CTNNBL1: variants seen among roughly 807,000 people sequenced by gnomAD.
The protein encoded by CTNNBL1 is beta-catenin-like protein 1.
In CTNNBL1, 31 loss-of-function variants were observed where a neutral mutation model predicts 72.7. That is an observed-to-expected ratio of 0.43 (90% CI 0.32 to 0.58). CTNNBL1 has a LOEUF of 0.58. Ranked by LOEUF, CTNNBL1 falls within the 20% of genes least tolerant of loss-of-function variation. The pLI is 0.08. For missense variants in CTNNBL1, 534 were observed against 725.1 expected (o/e 0.74, Z 3.03); for synonymous variants, 240 against 267.3 (o/e 0.90, Z 1.00).
chr20:37,860,861 T>A (rs2072485678), intron 15 of CTNNBL1, among the ~76,000 whole-genome samples: 1 of 152,232 alleles, frequency 6.6e-6, no homozygotes, highest in South Asian at 2.1e-4. Flanking sequence ...ATTTAGTTAT[T>A]GTTGTTAATC....
intron 11 of CTNNBL1, among the ~76,000 whole-genome samples, chr20:37,818,351 A>T (rs2072077476): frequency 6.6e-6 from 1 of 152,198 alleles, no homozygotes; most frequent in Non-Finnish European, 1.5e-5. Context: ...CAACTTTGGG[A>T]GATCCTCCAG....
chr20:37,863,746 G>A (rs1022191455), intron 15 of CTNNBL1, among the ~76,000 whole-genome samples: 18 of 152,114 alleles, frequency 1.2e-4, no homozygotes, highest in African/African-American at 3.1e-4. Context: ...AGCAGACAGC[G>A]GACATTCTCA....
rs541018046 is a variant in CTNNBL1 at position 37,729,149 on chromosome 20, C to T, written c.31-3730C>T. Among the ~76,000 whole-genome samples the T allele has an allele frequency of 2.6e-5, 4 of 152,248 alleles. No individual in the cohort carries two copies. In the East Asian group the frequency reaches 5.8e-4, roughly 22 times the overall value. On this transcript the variant is annotated intron_variant, in intron 1 of 15. Coordinates refer to ENST00000361383, the MANE Select transcript of CTNNBL1 (RefSeq NM_030877.5). The stretch of plus-strand genomic sequence containing the variant: ...CATATTTATAGGTGGATGTTTTTGC[C>T]TGAAATTTCCTCAGATGCCCTGTCT...
chr20:37,741,505 G>A (rs1427275295), intron 3 of CTNNBL1, among the ~76,000 whole-genome samples: 1 of 152,188 alleles, frequency 6.6e-6, no homozygotes, highest in Non-Finnish European at 1.5e-5. Flanking sequence ...ATCAGGTTGG[G>A]ACACCACGCT....
intron 1 of CTNNBL1, among the ~76,000 whole-genome samples, chr20:37,706,459 G>A (rs968260340): frequency 6.6e-6 from 1 of 152,230 alleles, no homozygotes; most frequent in Non-Finnish European, 1.5e-5. Context: ...TTCACTAGGA[G>A]TAGAGTTTAT....
chr20:37,786,224 A>C (rs887355253), intron 10 of CTNNBL1, among the ~76,000 whole-genome samples: 3 of 152,132 alleles, frequency 2.0e-5, no homozygotes, highest in Admixed American at 6.5e-5. Context: ...CCAGCACAGC[A>C]CTTGGTTTCA....
At chr20:37,868,105 C>G (rs1432128560) in intron 15 of CTNNBL1, among the ~76,000 whole-genome samples, 2 of 152,160 alleles carry the variant, frequency 1.3e-5, no homozygotes, top group African/African-American at 4.8e-5. Flanking sequence ...GAGAGGGTGA[C>G]CCCAGCCAGT....
Position 37,694,159 on chromosome 20 carries a change from G to A in CTNNBL1, c.30+7G>A, listed in dbSNP as rs1382217276. 2 of 1,589,676 alleles carry A rather than the reference G, an allele frequency of 1.3e-6. No individual in the cohort carries two copies. The highest frequency in any genetic ancestry group is 1.8e-5 in the Admixed American group (1 of 55,626). On this transcript the variant is annotated splice_region_variant and intron_variant, in intron 1 of 15. Transcript: ENST00000361383. Reference sequence around the variant, plus strand: ...CGAACTTCTGAGCTACCAGGTATGAGGGGCAGGGAGGGCCGAGCGACCGCG... The same window carrying A: ...CGAACTTCTGAGCTACCAGGTATGAAGGGCAGGGAGGGCCGAGCGACCGCG...
chr20:37,846,321 G>A (rs2072347015), intron 13 of CTNNBL1, among the ~76,000 whole-genome samples: 1 of 152,074 alleles, frequency 6.6e-6, no homozygotes, highest in African/African-American at 2.4e-5. Context: ...AGAGAAGAGG[G>A]TACCTTCCAC....
At chr20:37,697,279 C>T (rs2072801486) in intron 1 of CTNNBL1, among the ~76,000 whole-genome samples, 1 of 152,028 alleles carries the variant, frequency 6.6e-6, no homozygotes. Context: ...GAAAATAACC[C>T]CTGGGAGTTG....
intron 10 of CTNNBL1, among the ~76,000 whole-genome samples, chr20:37,789,374 C>G (rs1211760425): frequency 6.6e-6 from 1 of 152,216 alleles, no homozygotes; most frequent in Non-Finnish European, 1.5e-5. Context: ...GAAGAATTAA[C>G]ATATGAACAT....
At chr20:37,804,672 C>T (rs1426110128) in intron 11 of CTNNBL1, among the ~76,000 whole-genome samples, 1 of 152,184 alleles carries the variant, frequency 6.6e-6, no homozygotes, top group African/African-American at 2.4e-5. Flanking sequence ...TGCTGGGTTC[C>T]ACTGAGAGAC....
At chr20:37,740,902 C>CT in intron 3 of CTNNBL1, among the ~76,000 whole-genome samples, 1 of 152,202 alleles carries the variant, frequency 6.6e-6, no homozygotes. Flanking sequence ...TAGGACTACA[C>CT]TTTGAGAACT....
chr20:37,765,386 G>T, intron 6 of CTNNBL1, 96 bp downstream of exon 6: 1 of 796,766 alleles, frequency 1.3e-6, no homozygotes, highest in Non-Finnish European at 2.1e-6. Flanking sequence ...AGAGTCAATA[G>T]CAGGCTGTTT....
chr20:37,868,948 T>C (rs909398286), intron 15 of CTNNBL1, among the ~76,000 whole-genome samples: 2 of 152,172 alleles, frequency 1.3e-5, no homozygotes, highest in Non-Finnish European at 2.9e-5. Context: ...ATAATGGTCA[T>C]TTCTCTCTCT....
At chr20:37,857,469 C>T (rs2072453013) in intron 13 of CTNNBL1, among the ~76,000 whole-genome samples, 1 of 152,228 alleles carries the variant, frequency 6.6e-6, no homozygotes, top group Admixed American at 6.5e-5. Flanking sequence ...CTAGACCTCT[C>T]AGACTTGCTG....
At position 37,694,132 on chromosome 20, in the gene CTNNBL1, G is replaced by A. The variant is rs1049702792; in HGVS notation, c.10G>A (p.Gly4Ser). Residue 4 changes from glycine to serine, a missense_variant, in exon 1 of 16, where the codon GGC (glycine) becomes AGC (serine). Coordinates refer to ENST00000361383, the MANE Select transcript of CTNNBL1 (RefSeq NM_030877.5). The part of the protein sequence containing the change: MDV[G>S]ELLSYQPNRG... The stretch of plus-strand genomic sequence containing the variant: ...TGCTGGGCCGGGTACCATGGACGTG[G>A]GCGAACTTCTGAGCTACCAGGTATG... 6.2e-7 allele frequency: 1 copy of A among 1,603,062 alleles called. No homozygotes were observed. The highest frequency in any genetic ancestry group is 8.5e-7 in the Non-Finnish European group (1 of 1,175,492).
intron 1 of CTNNBL1, among the ~76,000 whole-genome samples, chr20:37,701,933 G>A (rs541465059): frequency 1.3e-5 from 2 of 152,082 alleles, no homozygotes; most frequent in East Asian, 3.9e-4. Flanking sequence ...TACATTGTAC[G>A]CTCATCTCAG....
chr20:37,868,265 G>A (rs562941259), intron 15 of CTNNBL1, among the ~76,000 whole-genome samples: 2 of 146,760 alleles, frequency 1.4e-5, no homozygotes, highest in East Asian at 2.0e-4. Context: ...TGTGAGGACC[G>A]GCCCCCTCCC....
Sources: gnomAD v4.1 joint callset for allele counts (sites outside exome capture counted in the v4.1 genomes callset) on GRCh38, gnomAD v4.1.1 for gene constraint, MANE v1.5 for transcripts, NCBI Gene and HGNC (gene_info 2026-07-23, HGNC 2026-07-21) for gene names.